The following CPS1 variants were observed in gnomAD, a reference collection of about 807,000 sequenced individuals.
CPS1 encodes the protein carbamoyl-phosphate synthase [ammonia], mitochondrial.
Under a neutral mutation model 174.6 loss-of-function variants are expected in CPS1, and 109 were observed. That is an observed-to-expected ratio of 0.62 (90% confidence interval 0.53 to 0.73). CPS1 has a LOEUF of 0.73. Ranked by LOEUF, CPS1 falls within the 30% of genes least tolerant of loss-of-function variation. The pLI is 0.00. For missense variants in CPS1, 1,689 were observed against 1,821.9 expected (o/e 0.93, Z 1.33); for synonymous variants, 637 against 632.0 (o/e 1.01, Z -0.12).
At chr2:210,542,986 T>G (rs1033381625) in intron 1 of CPS1, among the ~76,000 whole-genome samples, 1 of 152,066 alleles carries the variant, frequency 6.6e-6, no homozygotes, top group African/African-American at 2.4e-5. Context: ...ACTCTTGAGG[T>G]AAAGGAGTTT....
chr2:210,512,023 C>T (rs991030193), intron 1 of CPS1, among the ~76,000 whole-genome samples: 1 of 151,972 alleles, frequency 6.6e-6, no homozygotes, highest in African/African-American at 2.4e-5. Context: ...TTACCACCCA[C>T]AGGCAGCTCA....
chr2:210,569,319 C>T (rs1697403750), intron 1 of CPS1, among the ~76,000 whole-genome samples: 1 of 151,938 alleles, frequency 6.6e-6, no homozygotes, highest in Non-Finnish European at 1.5e-5. Context: ...CAAGGCAGAC[C>T]TCTCCGAGAA....
chr2:210,513,309 A>G (rs951378183), intron 1 of CPS1, among the ~76,000 whole-genome samples: 1 of 151,550 alleles, frequency 6.6e-6, no homozygotes, highest in African/African-American at 2.4e-5. Flanking sequence ...GTGTATAAGC[A>G]TTCCCTTTTC....
intron 7 of CPS1, among the ~76,000 whole-genome samples, 158 bp from the exon 8 acceptor site, chr2:210,589,948 C>T (rs534123048): frequency 3.3e-5 from 5 of 152,016 alleles, no homozygotes; most frequent in Admixed American, 2.0e-4. Context: ...CCACCAAGCC[C>T]GGCCCCAAAG....
intron 1 of CPS1, among the ~76,000 whole-genome samples, chr2:210,569,595 G>A (rs562493385): frequency 1.3e-5 from 2 of 151,984 alleles, no homozygotes; most frequent in Admixed American, 6.6e-5. Context: ...TTTACTAAAC[G>A]AGAAGACTGG....
chr2:210,483,545 A>G (rs1429953860), intron 1 of CPS1, among the ~76,000 whole-genome samples: 1 of 152,184 alleles, frequency 6.6e-6, no homozygotes, highest in African/African-American at 2.4e-5. Context: ...CCTTCTGCCC[A>G]GGTAGCTCCA....
chr2:210,588,228 A>G (rs1698170896), intron 7 of CPS1, 81 bp downstream of exon 7: 1 of 1,207,526 alleles, frequency 8.3e-7, no homozygotes, highest in Non-Finnish European at 1.2e-6. Flanking sequence ...GTCACAGAGA[A>G]ACTTATGCAT....
At chr2:210,519,740 G>A in intron 1 of CPS1, 1 of 985,210 alleles carries the variant, frequency 1.0e-6, no homozygotes, top group African/African-American at 1.7e-5. Flanking sequence ...TCCAGTATGA[G>A]GGAGCAGTGA....
Position 210,675,757 on chromosome 2 carries a change from G to T in CPS1, c.4191G>T (p.Trp1397Cys), listed in dbSNP as rs1172971002. The change falls in exon 36 of 38, where the codon TGG becomes TGT. Residue 1397 changes from tryptophan to cysteine, a missense_variant. Physicochemically the swap from Trp to Cys is radical, Grantham distance 215 (BLOSUM62 -2). Coordinates refer to ENST00000233072, the MANE Select transcript of CPS1 (RefSeq NM_001875.5). Reference sequence around the variant, plus strand: ...TTGCCACGGAAGCCACATCAGACTGGCTCAACGCCAACAATGTCCCTGCCA... The same window carrying T: ...TTGCCACGGAAGCCACATCAGACTGTCTCAACGCCAACAATGTCCCTGCCA... ...KLFATEATSDWLNANNVPATP... is the reference protein window; with the variant it reads ...KLFATEATSDCLNANNVPATP... The T allele has an allele frequency of 1.2e-6, 2 of 1,606,562 alleles. No individual in the cohort carries two copies. The highest frequency in any genetic ancestry group is 1.7e-6 in the Non-Finnish European group (2 of 1,173,256).
upstream of CPS1, among the ~76,000 whole-genome samples, chr2:210,554,209 A>G (rs535364668): frequency 1.2e-4 from 16 of 133,514 alleles, no homozygotes; most frequent in East Asian, 4.1e-4. Context: ...ATATGTATGT[A>G]TATATATACA....
rs1218078683 is a variant in CPS1 at position 210,600,809 on chromosome 2, A to T, written c.1707+97A>T. On this transcript the variant is annotated intron_variant, in intron 15 of 37. Coordinates refer to ENST00000233072, the MANE Select transcript of CPS1 (RefSeq NM_001875.5). ...CCTAATAATAATAGTTAAGATTATT[A>T]TACTTGCATGCATTTTCTTCTAGAA... The T allele has an allele frequency of 2.3e-6, 3 of 1,315,372 alleles. No homozygotes were observed. In the African/African-American group the frequency reaches 4.4e-5, roughly 19 times the overall value. 81.5% of individuals were successfully genotyped at this position (1,315,372 alleles called of 1,614,324 possible).
chr2:210,543,799 A>G (rs1195548595), intron 1 of CPS1, among the ~76,000 whole-genome samples: 1 of 152,106 alleles, frequency 6.6e-6, no homozygotes, highest in Admixed American at 6.5e-5. Context: ...CTGGTATGTA[A>G]TAAAAGATAC....
chr2:210,538,800 G>A (rs1400228318), intron 1 of CPS1, among the ~76,000 whole-genome samples: 2 of 151,938 alleles, frequency 1.3e-5, no homozygotes, highest in Non-Finnish European at 2.9e-5. Context: ...ATTTTATCGA[G>A]TTTCAGTAAC....
In CPS1 at chr2:210,642,384, C is replaced by T. The variant is rs1574632176; in HGVS notation, c.2960-100C>T. On this transcript the variant is annotated intron_variant, in intron 24 of 37. Coordinates refer to ENST00000233072, the MANE Select transcript of CPS1 (RefSeq NM_001875.5). ...AAAAAATTGAATTGAAAATCATTAG[C>T]TTCCTTAGCCTGGACTGACTGGTGA... 304 of 1,389,122 alleles carry T rather than the reference C, an allele frequency of 2.2e-4. 7 individuals carry two copies. The South Asian group carries it at 3.4e-3, about 16-fold the overall frequency. 86.0% of individuals were successfully genotyped at this position (1,389,122 alleles called of 1,614,324 possible).
At position 210,654,022 on chromosome 2, in the gene CPS1, C is replaced by T. The variant is rs1363450018; in HGVS notation, c.3481-3C>T. The T allele has an allele frequency of 1.2e-6, 2 of 1,613,268 alleles. No individual in the cohort carries two copies. The highest frequency in any genetic ancestry group is 1.7e-6 in the Non-Finnish European group (2 of 1,179,330). On this transcript the variant is annotated splice_polypyrimidine_tract_variant and splice_region_variant and intron_variant, in intron 28 of 37. Transcript: ENST00000233072. ...TCGGCTCCTCTGTTTTCCTTCGTGA[C>T]AGGAGCACCCAGTGGTGCTGACAAA...
At chr2:210,601,008 A>G (rs1398105610) in intron 15 of CPS1, among the ~76,000 whole-genome samples, 1 of 151,938 alleles carries the variant, frequency 6.6e-6, no homozygotes, top group Non-Finnish European at 1.5e-5. Flanking sequence ...AACCATACCA[A>G]CTTGCAATAA....
At chr2:210,616,395 A>C (rs1699305261) in intron 20 of CPS1, 28 bp from the exon 21 acceptor site, 2 of 1,489,738 alleles carry the variant, frequency 1.3e-6, no homozygotes, top group Admixed American at 1.7e-5. Context: ...ATGTTTGCCA[A>C]AGAAAGTATC....
Position 210,489,996 on chromosome 2 carries a change from T to TCAA in CPS1, c.3+12231_3+12233dup, listed in dbSNP as rs1404999843. The stretch of plus-strand genomic sequence containing the variant: ...CTGGGTGACAGAGCGAGACTCTGTC[T>TCAA]CAAAAAAAAAAAAAAAAAAGGAAGG... On this transcript the variant is annotated intron_variant, in intron 1 of 38. Transcript: ENST00000430249. Among the ~76,000 whole-genome samples the TCAA allele has an allele frequency of 1.8e-3, 23 of 12,544 alleles. No homozygotes were observed. In the East Asian group the frequency reaches 0.025, roughly 14 times the overall value. The allele number at this position is 12,544 out of a possible 152,430, so 8.2% of individuals were successfully genotyped here.
intron 1 of CPS1, among the ~76,000 whole-genome samples, chr2:210,530,633 T>C (rs1173160000): frequency 6.6e-6 from 1 of 152,074 alleles, no homozygotes; most frequent in Admixed American, 6.6e-5. Context: ...GTTATTCAGT[T>C]TAACCTAAGG....
Sources: gnomAD v4.1 joint callset for allele counts (sites outside exome capture counted in the v4.1 genomes callset) on GRCh38, gnomAD v4.1.1 for gene constraint, MANE v1.5 for transcripts, NCBI Gene and HGNC (gene_info 2026-07-23, HGNC 2026-07-21) for gene names.